STEAP1: variants seen among roughly 807,000 people sequenced by gnomAD.
STEAP1 encodes STEAP1 protein.
In STEAP1, 30 loss-of-function variants were observed where a neutral mutation model predicts 34.4. The ratio of observed to expected loss-of-function variants is 0.87; its 90% CI spans 0.65 to 1.18. The LOEUF (loss-of-function observed/expected upper bound fraction) is 1.18, where lower values mean the gene tolerates loss of function less well. Ranked by LOEUF, STEAP1 falls within the 50% of genes most tolerant of loss-of-function variation. The pLI is 0.00. For missense variants in STEAP1, 318 were observed against 391.1 expected, an observed-to-expected ratio of 0.81 and a Z score of 1.58; for synonymous variants, 116 against 135.3, an observed-to-expected ratio of 0.86 and a Z score of 0.99.
Position 90,164,569 on chromosome 7 carries a change from G to T in STEAP1, c.855G>T (p.Trp285Cys), listed in dbSNP as rs765746472. ...NKWIDIKQFV[W>C]YTPPTFMIAV... is the part of the protein sequence containing the mutation. ...GGATAGATATAAAACAATTTGTATGGTATACACCTCCAACTTTTATGATAG... is the reference window on the plus strand; with the variant it reads ...GGATAGATATAAAACAATTTGTATGTTATACACCTCCAACTTTTATGATAG... Residue 285 changes from tryptophan to cysteine, a missense_variant, in exon 5 of 5, where the codon TGG (tryptophan) becomes TGT (cysteine). By Grantham distance (215) the Trp-to-Cys change is radical. Coordinates refer to ENST00000297205, the MANE Select transcript of STEAP1 (RefSeq NM_012449.3). The T allele has an allele frequency of 1.2e-6, 2 of 1,613,704 alleles. No homozygotes were observed. The highest frequency in any genetic ancestry group is 1.7e-6 in the Non-Finnish European group (2 of 1,179,798).
At chr7:90,155,355 G>C (rs1453088761) in intron 1 of STEAP1, among the ~76,000 whole-genome samples, 4 of 152,128 alleles carry the variant, frequency 2.6e-5, no homozygotes, top group Non-Finnish European at 5.9e-5. Context: ...GCAACCCACA[G>C]TGTATTCCAG....
In STEAP1 at chr7:90,161,216, C is replaced by A; in HGVS notation, c.496C>A (p.Leu166Ile). ...KWMLTRKQFG[L>I]LSFFFAVLHA... is the part of the protein sequence containing the mutation. The stretch of plus-strand genomic sequence containing the variant: ...GATGTTAACAAGAAAGCAGTTTGGG[C>A]TTCTCAGTTTCTTTTTTGCTGTACT... Residue 166 changes from leucine (L) to isoleucine (I), a missense_variant, in exon 3 of 5, where the codon CTT (leucine) becomes ATT (isoleucine). By Grantham distance (5) the Leu-to-Ile change is conservative (BLOSUM62 2). Coordinates refer to ENST00000297205, the MANE Select transcript of STEAP1 (RefSeq NM_012449.3). 1 of 1,614,054 alleles carries A rather than the reference C, an allele frequency of 6.2e-7. No homozygotes were observed. Among genetic ancestry groups the A allele is most frequent in the Non-Finnish European group, 8.5e-7 (1 of 1,179,980 alleles).
chr7:90,160,299 A>C (rs1794166826), intron 2 of STEAP1, among the ~76,000 whole-genome samples: 1 of 152,192 alleles, frequency 6.6e-6, no homozygotes, highest in Non-Finnish European at 1.5e-5. Context: ...AGATCAGTAA[A>C]TTGACGATTC....
intron 1 of STEAP1, among the ~76,000 whole-genome samples, chr7:90,158,516 C>T (rs1794144124): frequency 6.6e-6 from 1 of 151,858 alleles, no homozygotes. Flanking sequence ...CCCAGGCCTA[C>T]CCAGGGTCAG....
chr7:90,162,310 T>TTGTC, intron 4 of STEAP1: 1 of 648,572 alleles, frequency 1.5e-6, no homozygotes, highest in Admixed American at 4.1e-5. Flanking sequence ...TTTTTTTTTT[T>TTGTC]TGTTTGTTTG....
In STEAP1 at chr7:90,161,096, T is replaced by C; in HGVS notation, c.376T>C (p.Leu126=). 4.3e-6 allele frequency: 7 copies of C among 1,614,024 alleles called. No homozygotes were observed. Among genetic ancestry groups the C allele is most frequent in the Non-Finnish European group, 5.9e-6 (7 of 1,179,862 alleles). ...CTTGCCAATGGTTTCCATCACTCTC[T>C]TGGCATTGGTTTACCTGCCAGGTGT... is the stretch of plus-strand genomic sequence containing the variant. ...KVLPMVSITL[L]ALVYLPGVIA... The change falls in exon 3 of 5, where the codon TTG becomes CTG. Residue 126 remains leucine (L), a synonymous_variant. Coordinates refer to ENST00000297205, the MANE Select transcript of STEAP1 (RefSeq NM_012449.3).
intron 4 of STEAP1, 22 bp downstream of exon 4, chr7:90,162,100 C>T (rs1422390060): frequency 1.9e-6 from 3 of 1,566,578 alleles, no homozygotes; most frequent in East Asian, 4.6e-5. Context: ...ATAAAATAAC[C>T]CTAAGAGGTA....
At chr7:90,159,731 T>C in intron 1 of STEAP1, 27 bp from the exon 2 acceptor site, 1 of 1,275,434 alleles carries the variant, frequency 7.8e-7, no homozygotes, top group Non-Finnish European at 1.1e-6. Context: ...AGAATGGACA[T>C]GAAAGTAATT....
Position 90,164,489 on chromosome 7 carries a change from A to G in STEAP1, c.775A>G (p.Ile259Val), listed in dbSNP as rs1794226159. The change falls in exon 5 of 5, where the codon ATT becomes GTT. Residue 259 changes from isoleucine (I) to valine (V), a missense_variant. Ile to Val is a conservative substitution (Grantham distance 29, BLOSUM62 3). Coordinates refer to ENST00000297205, the MANE Select transcript of STEAP1 (RefSeq NM_012449.3). ...EFHYIQSKLGIVSLLLGTIHA... is the reference protein window; with the variant it reads ...EFHYIQSKLGVVSLLLGTIHA... ...TTTTCTTTTGCAGAGCAAGCTAGGA[A>G]TTGTTTCCCTTCTACTGGGCACAAT... 6.2e-7 allele frequency: 1 copy of G among 1,603,706 alleles called. No individual in the cohort carries two copies.
intron 4 of STEAP1, chr7:90,162,914 A>C: frequency 3.4e-6 from 1 of 295,774 alleles, no homozygotes; most frequent in Non-Finnish European, 7.9e-6. Flanking sequence ...TGAAGTTTCT[A>C]AATATTCTTG....
At chr7:90,162,122 T>A in intron 4 of STEAP1, 44 bp downstream of exon 4, 1 of 1,543,394 alleles carries the variant, frequency 6.5e-7, no homozygotes, top group Non-Finnish European at 8.7e-7. Context: ...ATCTTCTTTT[T>A]GTGTTTATGA....
At chr7:90,162,127 T>A in intron 4 of STEAP1, 49 bp downstream of exon 4, 1 of 1,538,874 alleles carries the variant, frequency 6.5e-7, no homozygotes, top group Admixed American at 2.1e-5. Flanking sequence ...CTTTTTGTGT[T>A]TATGATATAG....
intron 1 of STEAP1, among the ~76,000 whole-genome samples, chr7:90,156,542 G>A (rs1794121772): frequency 6.6e-6 from 1 of 152,218 alleles, no homozygotes; most frequent in African/African-American, 2.4e-5. Flanking sequence ...ATTACTGCCT[G>A]AGCTCCACCT....
chr7:90,155,782 T>G lies in STEAP1; in HGVS notation c.-32+1239T>G, dbSNP rs186337342. 3.9e-5 allele frequency among the ~76,000 whole-genome samples: 6 copies of G among 152,284 alleles called. No individual in the cohort carries two copies. The East Asian group carries it at 1.2e-3, about 29-fold the overall frequency. ...GCTCTTGAGTGTGGTCTCCTTACCA[T>G]GCAGACAAATGGCTGGGTAACTCTC... On this transcript the variant is annotated intron_variant, in intron 1 of 4. Coordinates refer to ENST00000297205, the MANE Select transcript of STEAP1 (RefSeq NM_012449.3).
rs1306940027 is a variant in STEAP1, at chr7:90,161,178, G to A, written c.458G>A (p.Trp153Ter). The change falls in exon 3 of 5, where the codon TGG becomes TAG. Residue 153 changes from tryptophan (W) to a stop codon, truncating the protein, a stop_gained. Coordinates refer to ENST00000297205, the MANE Select transcript of STEAP1 (RefSeq NM_012449.3). LOFTEE classifies it high-confidence loss of function. ...ACCAAGTATAAGAAGTTTCCACATT[G>A]GTTGGATAAGTGGATGTTAACAAGA... Reference protein sequence around the residue: ...NGTKYKKFPHWLDKWMLTRKQ... With the variant: ...NGTKYKKFPH 1 of 1,613,872 alleles carries A rather than the reference G, an allele frequency of 6.2e-7. No homozygotes were observed. The highest frequency in any genetic ancestry group is 8.5e-7 in the Non-Finnish European group (1 of 1,179,900).
At position 90,164,791 on chromosome 7, in the gene STEAP1, CAA is replaced by C; in HGVS notation, c.*58_*59del. ...TTGATATATTTTATCACCAACATTTCAAGTTTGTATTTGTTAATAAAATGATT... is the reference window on the plus strand; with the variant it reads ...TTGATATATTTTATCACCAACATTTCGTTTGTATTTGTTAATAAAATGATT... On this transcript the variant is annotated 3_prime_UTR_variant, in exon 5 of 5. Coordinates refer to ENST00000297205, the MANE Select transcript of STEAP1 (RefSeq NM_012449.3). The C allele has an allele frequency of 6.9e-7, 1 of 1,454,494 alleles. No homozygotes were observed. The highest frequency in any genetic ancestry group is 9.2e-7 in the Non-Finnish European group (1 of 1,088,960). 90.1% of individuals were successfully genotyped at this position (1,454,494 alleles called of 1,614,324 possible). A position where few individuals can be genotyped will look rare whatever the true frequency, so the allele number is the denominator to read the frequency against.
At chr7:90,162,857 T>C (rs1426685698) in intron 4 of STEAP1, 1 of 219,062 alleles carries the variant, frequency 4.6e-6, no homozygotes, top group Non-Finnish European at 1.1e-5. Flanking sequence ...TAGTGTCTCA[T>C]TTCAAAGGCT....
intron 3 of STEAP1, 38 bp from the exon 4 acceptor site, chr7:90,161,876 T>G: frequency 6.4e-7 from 1 of 1,572,836 alleles, no homozygotes; most frequent in South Asian, 1.2e-5. Context: ...AAATAACTGT[T>G]GTTTGCATTT....
rs1349761359 is a variant in STEAP1 at position 90,164,563 on chromosome 7, TG to T, written c.850del (p.Val284TyrfsTer9). 1.2e-6 allele frequency: 2 copies of T among 1,613,778 alleles called. No individual in the cohort carries two copies. On this transcript the variant is annotated frameshift_variant, in exon 5 of 5. Transcript: ENST00000297205. LOFTEE classifies it high-confidence loss of function. ...WNKWIDIKQFVWYTPPTFMIA... is the reference protein window; with the variant it reads ...WNKWIDIKQFXWYTPPTFMIA... ...ATAAGTGGATAGATATAAAACAATTTGTATGGTATACACCTCCAACTTTTAT... is the reference window on the plus strand; with the variant it reads ...ATAAGTGGATAGATATAAAACAATTTTATGGTATACACCTCCAACTTTTAT...
Sources: allele counts gnomAD v4.1 joint callset (sites outside exome capture counted in the v4.1 genomes callset), GRCh38; gene constraint gnomAD v4.1.1; transcripts MANE v1.5; gene names NCBI Gene and HGNC (gene_info 2026-07-23, HGNC 2026-07-21).